The following THBS3 variants were observed in gnomAD, a reference collection of about 807,000 sequenced individuals.
The protein encoded by THBS3 is thrombospondin 3.
In THBS3, 78 loss-of-function variants were observed where a neutral mutation model predicts 118.3. The ratio of observed to expected loss-of-function variants is 0.66; its 90% confidence interval spans 0.55 to 0.80. THBS3 has a LOEUF of 0.80. Among genes scored for constraint, THBS3 ranks in the 30% least tolerant of loss-of-function variants. THBS3 has a pLI of 0.00. For missense variants in THBS3, 1,057 were observed against 1,247.4 expected (o/e 0.85, Z 2.30); for synonymous variants, 427 against 475.3 (o/e 0.90, Z 1.32).
In THBS3 at chr1:155,203,566, G is replaced by A. The variant is rs192659931; in HGVS notation, c.647-27C>T. On this transcript the variant is annotated intron_variant, in intron 4 of 22. Transcript: ENST00000368378. ...TGGAGAGGAGAAGAAAACATAGTCA[G>A]AGGGGTGAGGTGAAGTGAAGAGAGG... 2.3e-3 allele frequency: 3,727 copies of A among 1,613,140 alleles called. 6 individuals carry two copies. The highest frequency in any genetic ancestry group is 5.7e-3 in the Middle Eastern group (34 of 5,926).
rs1210110712 is a variant in THBS3, at chr1:155,197,102, A to G, written c.2611T>C (p.Trp871Arg). ...CAGCGATAGGAGGTCTTGTCCCGCC[A>G]GCCCACATTTCGTGGGTCTGTCCAC... ...LLWTDPRNVGWRDKTSYRWQL... is the reference protein window; with the variant it reads ...LLWTDPRNVGRRDKTSYRWQL... The change falls in exon 21 of 23, where the codon TGG (tryptophan) becomes CGG (arginine). Residue 871 changes from tryptophan (W) to arginine (R), a missense_variant. By Grantham distance (101) the Trp-to-Arg change is moderately radical. Coordinates refer to ENST00000368378, the MANE Select transcript of THBS3 (RefSeq NM_007112.5). The surrounding 1 kb of genome is among the most constrained non-coding windows in gnomAD (Gnocchi z 5.0). The G allele has an allele frequency of 1.9e-6, 3 of 1,614,192 alleles. No individual in the cohort carries two copies. Among genetic ancestry groups the G allele is most frequent in the African/African-American group, 1.3e-5 (1 of 75,066 alleles).
chr1:155,202,758 C>G lies in THBS3; in HGVS notation c.957+54G>C. 2 of 1,565,022 alleles carry G rather than the reference C, an allele frequency of 1.3e-6. No individual in the cohort carries two copies. The highest frequency in any genetic ancestry group is 1.7e-6 in the Non-Finnish European group (2 of 1,154,266). ...ATTTATCCCACCCTCTTGGGTGCCT[C>G]CTGACATCCTCACCCCAGTTTTCTG... On this transcript the variant is annotated intron_variant, in intron 8 of 22. Transcript: ENST00000368378. This position sits in a 1 kb window ranked among gnomAD's most constrained non-coding sequence, Gnocchi z 5.5.
At chr1:155,203,468 G>A in intron 5 of THBS3, 45 bp downstream of exon 5, 1 of 1,611,134 alleles carries the variant, frequency 6.2e-7, no homozygotes. Context: ...AGAGCCTGGG[G>A]CCTCCTCCCC....
At position 155,202,950 on chromosome 1, in the gene THBS3, CT is replaced by C; in HGVS notation, c.818del (p.Glu273GlyfsTer213). 1 of 1,613,976 alleles carries C rather than the reference CT, an allele frequency of 6.2e-7. No individual in the cohort carries two copies. Among genetic ancestry groups the C allele is most frequent in the Non-Finnish European group, 8.5e-7 (1 of 1,179,968 alleles). On this transcript the variant is annotated frameshift_variant, in exon 8 of 23. Coordinates refer to ENST00000368378, the MANE Select transcript of THBS3 (RefSeq NM_007112.5). LOFTEE classifies it high-confidence loss of function. This position sits in a 1 kb window ranked among gnomAD's most constrained non-coding sequence, Gnocchi z 5.5. ...GATTGGGGCTGCAGTGGGAACGCTGCTCATGGAAGCCTGAGGGGTGGACACA... is the reference window on the plus strand; with the variant it reads ...GATTGGGGCTGCAGTGGGAACGCTGCCATGGAAGCCTGAGGGGTGGACACA... ...IMECQVCGFH[E>X]QRSHCSPNPC...
chr1:155,202,771 C>T lies in THBS3; in HGVS notation c.957+41G>A. 1 of 1,576,938 alleles carries T rather than the reference C, an allele frequency of 6.3e-7. No individual in the cohort carries two copies. The highest frequency in any genetic ancestry group is 8.6e-7 in the Non-Finnish European group (1 of 1,160,306). On this transcript the variant is annotated intron_variant, in intron 8 of 22. Transcript: ENST00000368378. This position sits in a 1 kb window ranked among gnomAD's most constrained non-coding sequence, Gnocchi z 5.5. ...TCTTGGGTGCCTCCTGACATCCTCA[C>T]CCCAGTTTTCTGTACCCTTCTGGGC...
At position 155,197,248 on chromosome 1, in the gene THBS3, C is replaced by A. The variant is rs1207195098; in HGVS notation, c.2500-35G>T. The A allele has an allele frequency of 5.0e-6, 8 of 1,605,248 alleles. No homozygotes were observed. In the Admixed American group the frequency reaches 1.2e-4, roughly 23 times the overall value. On this transcript the variant is annotated intron_variant, in intron 20 of 22. Coordinates refer to ENST00000368378, the MANE Select transcript of THBS3 (RefSeq NM_007112.5). The surrounding 1 kb of genome is among the most constrained non-coding windows in gnomAD (Gnocchi z 5.0). The stretch of plus-strand genomic sequence containing the variant: ...ATTGGCAAAGACAGTGGGTCAACTG[C>A]AGAACTGGAGTGAGGGGAGACAACA...
chr1:155,197,553 G>A lies in THBS3; in HGVS notation c.2409C>T (p.Arg803=), dbSNP rs768221579. ...TCTGCTTCCACATGACTACGTAGAA[G>A]CGGCCACTGTCTTGATAACTGAAGA... ...GFLFSYQDSG[R]FYVVMWKQTE... The change falls in exon 20 of 23, where the codon CGC becomes CGT. Residue 803 remains arginine, a synonymous_variant. Coordinates refer to ENST00000368378, the MANE Select transcript of THBS3 (RefSeq NM_007112.5). This position sits in a 1 kb window ranked among gnomAD's most constrained non-coding sequence, Gnocchi z 5.0. The A allele has an allele frequency of 1.3e-5, 21 of 1,614,002 alleles. No homozygotes were observed. The highest frequency in any genetic ancestry group is 4.2e-6 in the Non-Finnish European group (5 of 1,180,030).
At chr1:155,198,748 G>A in intron 16 of THBS3, 146 bp from the exon 17 acceptor site, 1 of 676,332 alleles carries the variant, frequency 1.5e-6, no homozygotes, top group Non-Finnish European at 2.5e-6. Flanking sequence ...CTGGCAGTAG[G>A]AATGGAGGGA....
intron 5 of THBS3, 58 bp from the exon 6 acceptor site, chr1:155,203,363 A>C: frequency 6.2e-7 from 1 of 1,600,968 alleles, no homozygotes; most frequent in East Asian, 2.3e-5. Flanking sequence ...TGGGCCCTCC[A>C]TGGGCAATAA....
chr1:155,207,180 T>C (rs1188877669), intron 1 of THBS3, among the ~76,000 whole-genome samples: 1 of 152,202 alleles, frequency 6.6e-6, no homozygotes, highest in Non-Finnish European at 1.5e-5. Context: ...TCGCTCTGGA[T>C]AAGAACAGCT....
Position 155,205,201 on chromosome 1 carries a change from T to G in THBS3, c.402A>C (p.Arg134Ser). ...CGTAGAGATGTAGGGCAGGGCTGGG[T>G]CTGGAGGGACCTCGGAGTCGCAGGA... ...TVLLRLRGPS[R>S]PSPALHLYVD... The change falls in exon 3 of 23, where the codon AGA becomes AGC. Residue 134 changes from arginine to serine, a missense_variant. Physicochemically the swap from Arg to Ser is moderately radical, Grantham distance 110 (BLOSUM62 -1). Transcript: ENST00000368378. 1 of 1,614,140 alleles carries G rather than the reference T, an allele frequency of 6.2e-7. No individual in the cohort carries two copies. Among genetic ancestry groups the G allele is most frequent in the Non-Finnish European group, 8.5e-7 (1 of 1,180,028 alleles).
Position 155,196,093 on chromosome 1 carries a change from C to T in THBS3, c.2706G>A (p.Ala902=), listed in dbSNP as rs146591443. The change falls in exon 22 of 23, where the codon GCG becomes GCA. Residue 902 remains alanine, a synonymous_variant. Coordinates refer to ENST00000368378, the MANE Select transcript of THBS3 (RefSeq NM_007112.5). ...VKLYEGPQLV[A]DSGVIIDTSM... ...ATGTGTCAATGATCACCCCAGAATC[C>T]GCCACAAGCTGGGGTCCCTCATAGA... The T allele has an allele frequency of 3.7e-5, 59 of 1,614,140 alleles. No homozygotes were observed. The highest frequency in any genetic ancestry group is 1.7e-4 in the African/African-American group (13 of 75,050).
intron 7 of THBS3, 49 bp from the exon 8 acceptor site, chr1:155,203,009 A>G (rs751709519): frequency 1.2e-6 from 2 of 1,613,648 alleles, no homozygotes; most frequent in African/African-American, 2.7e-5. Flanking sequence ...TATTTAAGCC[A>G]CCAGAAGGGA....
chr1:155,207,851 GC>G lies in THBS3; in HGVS notation c.25del (p.Ala9ProfsTer19), dbSNP rs751069667. The G allele has an allele frequency of 1.2e-6, 2 of 1,613,864 alleles. No homozygotes were observed. Among genetic ancestry groups the G allele is most frequent in the Non-Finnish European group, 1.7e-6 (2 of 1,180,008 alleles). The stretch of plus-strand genomic sequence containing the variant: ...AAAGCAAAGGAGGAGAAGAGCCAGG[GC>G]CCCCCGAAGTTCCTGCGTCTCCATG... METQELRGALALLLLCFFT... is the reference protein window; with the variant it reads METQELRGXLALLLLCFFT... On this transcript the variant is annotated frameshift_variant, in exon 1 of 23. Coordinates refer to ENST00000368378, the MANE Select transcript of THBS3 (RefSeq NM_007112.5). LOFTEE classifies it high-confidence loss of function.
chr1:155,208,950 CTTCAGGGG>C (rs1356147026), upstream of THBS3: 2 of 1,609,718 alleles, frequency 1.2e-6, no homozygotes, highest in African/African-American at 2.7e-5. Context: ...CCTGCCGCGC[CTTCAGGGG>C]TTCGGGGCTC....
At chr1:155,207,400 G>A (rs1328264724) in intron 1 of THBS3, among the ~76,000 whole-genome samples, 7 of 152,118 alleles carry the variant, frequency 4.6e-5, no homozygotes, top group Non-Finnish European at 8.8e-5. Context: ...AGGCTTCTTG[G>A]TCCCCACCCC....
chr1:155,207,460 C>G (rs1014629556), intron 1 of THBS3, among the ~76,000 whole-genome samples: 3 of 152,174 alleles, frequency 2.0e-5, no homozygotes, highest in Non-Finnish European at 4.4e-5. Context: ...GCCCAGGGAC[C>G]TACAGTACGC....
Position 155,197,242 on chromosome 1 carries a change from C to T in THBS3, c.2500-29G>A, listed in dbSNP as rs752614590. ...GGAGACATTGGCAAAGACAGTGGGT[C>T]AACTGCAGAACTGGAGTGAGGGGAG... On this transcript the variant is annotated intron_variant, in intron 20 of 22. Transcript: ENST00000368378. The surrounding 1 kb of genome is among the most constrained non-coding windows in gnomAD (Gnocchi z 5.0). The T allele has an allele frequency of 6.2e-7, 1 of 1,606,712 alleles. No homozygotes were observed. The highest frequency in any genetic ancestry group is 8.5e-7 in the Non-Finnish European group (1 of 1,174,070).
In THBS3 at chr1:155,203,600, G is replaced by A; in HGVS notation, c.647-61C>T. ...GGTGAAGTGAAGAGAGGCCTGGTTG[G>A]TGAGAAGGAGGAAGGAAGGTGAGGA... is the stretch of plus-strand genomic sequence containing the variant. On this transcript the variant is annotated intron_variant, in intron 4 of 22. Coordinates refer to ENST00000368378, the MANE Select transcript of THBS3 (RefSeq NM_007112.5). 4.4e-6 allele frequency: 7 copies of A among 1,597,668 alleles called. No individual in the cohort carries two copies. In the South Asian group the frequency reaches 6.7e-5, roughly 15 times the overall value.
Sources: gnomAD v4.1 joint callset for allele counts (sites outside exome capture counted in the v4.1 genomes callset) on GRCh38, gnomAD v4.1.1 for gene constraint, Gnocchi (gnomAD v3.1) non-coding constraint, MANE v1.5 for transcripts, NCBI Gene and HGNC (gene_info 2026-07-23, HGNC 2026-07-21) for gene names.